The following ADAM18 variants were observed in gnomAD, a reference collection of about 807,000 sequenced individuals.
The protein encoded by ADAM18 is disintegrin and metalloproteinase domain-containing protein 18.
ADAM18 carries 117 observed loss-of-function variants against 94.4 expected under a neutral mutation model. The observed-to-expected ratio is 1.24, with a 90% confidence interval of 1.07 to 1.45. The LOEUF (loss-of-function observed/expected upper bound fraction) is 1.45. ADAM18 is among the 40% of genes most tolerant of loss of function. ADAM18 has a pLI of 0.00. For synonymous variants in ADAM18, 327 were observed against 291.6 expected, an observed-to-expected ratio of 1.12 and a Z score of -1.24; for missense variants, 936 against 880.0, an observed-to-expected ratio of 1.06 and a Z score of -0.81.
At chr8:39,707,969 G>T (rs148165690) in intron 18 of ADAM18, among the ~76,000 whole-genome samples, 4 of 152,068 alleles carry the variant, frequency 2.6e-5, no homozygotes, top group African/African-American at 9.7e-5. Flanking sequence ...GCACTGTAAC[G>T]GCGTAACAGT....
At chr8:39,668,901 G>T (rs553192243) in intron 14 of ADAM18, among the ~76,000 whole-genome samples, 1 of 152,114 alleles carries the variant, frequency 6.6e-6, no homozygotes, top group South Asian at 2.1e-4. Flanking sequence ...AAATTACATT[G>T]TATATGGTCC....
rs199893059 is a variant in ADAM18, at chr8:39,644,213, GATAA to G, written c.910-1120_910-1117del. ...AATATATCATTATTTATTTATCAAA[GATAA>G]ATAATATGAAAAACACTTTGAGTCC... On this transcript the variant is annotated intron_variant, in intron 10 of 19. Coordinates refer to ENST00000265707, the MANE Select transcript of ADAM18 (RefSeq NM_014237.3). Among the ~76,000 whole-genome samples, 1,014 of 152,092 alleles carry G rather than the reference GATAA, an allele frequency of 6.7e-3. 10 individuals carry two copies. Among genetic ancestry groups the G allele is most frequent in the Middle Eastern group, 0.037 (11 of 294 alleles).
At chr8:39,699,362 A>G (rs1272901900) in intron 17 of ADAM18, among the ~76,000 whole-genome samples, 5 of 152,138 alleles carry the variant, frequency 3.3e-5, no homozygotes, top group Middle Eastern at 6.8e-3. Context: ...AATTTTATTG[A>G]ATTATTTTTT....
intron 3 of ADAM18, 50 bp from the exon 4 acceptor site, chr8:39,608,992 T>C: frequency 1.9e-6 from 2 of 1,054,410 alleles, no homozygotes; most frequent in South Asian, 1.5e-5. Flanking sequence ...GTTTTTAACA[T>C]TATATTAAGA....
At chr8:39,644,328 T>C (rs1382399800) in intron 10 of ADAM18, among the ~76,000 whole-genome samples, 1 of 152,232 alleles carries the variant, frequency 6.6e-6, no homozygotes, top group Non-Finnish European at 1.5e-5. Flanking sequence ...GATCTCACTC[T>C]GTAGCCCAGG....
At chr8:39,682,719 C>T (rs976121963) in intron 16 of ADAM18, among the ~76,000 whole-genome samples, 1 of 152,006 alleles carries the variant, frequency 6.6e-6, no homozygotes. Flanking sequence ...GGGCTTGGGG[C>T]CAGATTACTC....
At chr8:39,594,083 C>T (rs1818661928) in intron 2 of ADAM18, among the ~76,000 whole-genome samples, 1 of 151,982 alleles carries the variant, frequency 6.6e-6, no homozygotes, top group African/African-American at 2.4e-5. Context: ...GTATAAATTA[C>T]CAGAATAACA....
chr8:39,721,162 C>CA (rs1326388137), intron 18 of ADAM18, among the ~76,000 whole-genome samples: 1 of 151,296 alleles, frequency 6.6e-6, no homozygotes, highest in Non-Finnish European at 1.5e-5. Flanking sequence ...TAAAATCTGT[C>CA]AAAAATGATC....
intron 14 of ADAM18, among the ~76,000 whole-genome samples, chr8:39,675,839 G>A (rs1821286097): frequency 1.3e-5 from 2 of 151,876 alleles, no homozygotes; most frequent in South Asian, 4.2e-4. Flanking sequence ...TGACATTGAT[G>A]CTATTTCTTT....
intron 9 of ADAM18, 88 bp downstream of exon 9, chr8:39,637,791 T>G: frequency 6.3e-6 from 8 of 1,272,926 alleles, no homozygotes; most frequent in Non-Finnish European, 8.3e-6. Flanking sequence ...CTTCAGTTTT[T>G]TGTAAGCCCC....
chr8:39,663,919 A>C (rs774281684), intron 13 of ADAM18, 29 bp downstream of exon 13: 2 of 1,468,260 alleles, frequency 1.4e-6, no homozygotes, highest in Non-Finnish European at 1.9e-6. Flanking sequence ...TTAAAAGCAA[A>C]TTGAACTGTG....
chr8:39,680,134 G>C lies in ADAM18; in HGVS notation c.1729G>C (p.Val577Leu). Residue 577 changes from valine to leucine, a missense_variant, in exon 16 of 20, where the codon GTA (valine) becomes CTA (leucine). Transcript: ENST00000265707. ...STVYSYIQDH[V>L]CVSIATGSSM... Reference sequence around the variant, plus strand: ...AGTTTATTCATATATTCAAGACCATGTATGTGTATCTATAGCCACTGGTTC... The same window carrying C: ...AGTTTATTCATATATTCAAGACCATCTATGTGTATCTATAGCCACTGGTTC... 6.2e-7 allele frequency: 1 copy of C among 1,613,860 alleles called. No individual in the cohort carries two copies. The highest frequency in any genetic ancestry group is 1.6e-4 in the Middle Eastern group (1 of 6,062).
At chr8:39,669,227 C>T (rs895195607) in intron 14 of ADAM18, among the ~76,000 whole-genome samples, 1 of 150,800 alleles carries the variant, frequency 6.6e-6, no homozygotes, top group African/African-American at 2.4e-5. Context: ...AAACTTCAAC[C>T]TAGAATTCAT....
rs948578382 is a variant in ADAM18 at position 39,668,093 on chromosome 8, C to A, written c.1422C>A (p.Asp474Glu). ...GAACCTCTAGTAATTGTGTTCCTGA[C>A]ACTTATGCATTGAATGGCCGTTTGT... ...CNGTSSNCVP[D>E]TYALNGRLCK... Residue 474 changes from aspartate to glutamate, a missense_variant, in exon 14 of 20, where the codon GAC (aspartate) becomes GAA (glutamate). Asp to Glu is a conservative substitution (Grantham distance 45). Coordinates refer to ENST00000265707, the MANE Select transcript of ADAM18 (RefSeq NM_014237.3). 6.2e-7 allele frequency: 1 copy of A among 1,614,108 alleles called. No homozygotes were observed. The highest frequency in any genetic ancestry group is 8.5e-7 in the Non-Finnish European group (1 of 1,179,990).
intron 6 of ADAM18, among the ~76,000 whole-genome samples, chr8:39,620,158 CTG>C: frequency 6.6e-6 from 1 of 151,714 alleles, no homozygotes; most frequent in African/African-American, 2.4e-5. Flanking sequence ...GCTGGGAAAA[CTG>C]AATATTCACA....
intron 14 of ADAM18, 34 bp downstream of exon 14, chr8:39,668,230 A>T (rs1360195145): frequency 1.2e-6 from 2 of 1,600,318 alleles, no homozygotes; most frequent in Non-Finnish European, 1.7e-6. Context: ...ATTTTACCTT[A>T]CATTTGCATC....
rs1219696615 is a variant in ADAM18, at chr8:39,729,957, C to T, written c.*17C>T. ...GGACATTAATATTGCACAGAACTTC[C>T]ATAGCAAATAACCTAAAGGAACGAA... is the stretch of plus-strand genomic sequence containing the variant. On this transcript the variant is annotated 3_prime_UTR_variant, in exon 20 of 20. Coordinates refer to ENST00000265707, the MANE Select transcript of ADAM18 (RefSeq NM_014237.3). 6.2e-7 allele frequency: 1 copy of T among 1,606,836 alleles called. No individual in the cohort carries two copies. Among genetic ancestry groups the T allele is most frequent in the Non-Finnish European group, 8.5e-7 (1 of 1,173,388 alleles).
chr8:39,586,785 T>TATC (rs1554500899), intron 2 of ADAM18, among the ~76,000 whole-genome samples: 6 of 139,136 alleles, frequency 4.3e-5, no homozygotes, highest in East Asian at 4.0e-4. Flanking sequence ...TCTATCTATC[T>TATC]ATCTATCTAT....
At chr8:39,697,110 A>G (rs576860432) in intron 17 of ADAM18, among the ~76,000 whole-genome samples, 4 of 151,638 alleles carry the variant, frequency 2.6e-5, no homozygotes, top group Non-Finnish European at 5.9e-5. Flanking sequence ...GTAGTATTCT[A>G]TTCTTTCTAA....
Sources: gnomAD v4.1 joint callset for allele counts (sites outside exome capture counted in the v4.1 genomes callset) on GRCh38, gnomAD v4.1.1 for gene constraint, MANE v1.5 for transcripts, NCBI Gene and HGNC (gene_info 2026-07-23, HGNC 2026-07-21) for gene names.